RALGAPA1: variants seen among roughly 807,000 people sequenced by gnomAD.
The protein encoded by RALGAPA1 is ral GTPase-activating protein subunit alpha-1.
Under a neutral mutation model 269.6 loss-of-function variants are expected in RALGAPA1, and 52 were observed. That is an observed-to-expected ratio of 0.19 (90% CI 0.15 to 0.24). RALGAPA1 has a LOEUF of 0.24. RALGAPA1 is among the 10% of genes least tolerant of loss of function. RALGAPA1 has a pLI of 1.00. For synonymous variants in RALGAPA1, 817 were observed against 1,008.3 expected (o/e 0.81, Z 3.60); for missense variants, 1,917 against 3,013.9 (o/e 0.64, Z 8.52).
intron 15 of RALGAPA1, among the ~76,000 whole-genome samples, chr14:35,722,440 T>C (rs141678570): frequency 0.014 from 2,179 of 152,090 alleles, 41 homozygotes; most frequent in Admixed American, 0.036. Flanking sequence ...GGTGAAACCA[T>C]GTCTCTATAA....
At chr14:35,549,302 G>A in intron 39 of RALGAPA1, 68 bp from the exon 40 acceptor site, 1 of 1,502,490 alleles carries the variant, frequency 6.7e-7, no homozygotes, top group Non-Finnish European at 9.1e-7. Flanking sequence ...TATCAAAAAG[G>A]ACTGCTATGA....
At chr14:35,556,433 G>C (rs2055613663) in intron 39 of RALGAPA1, among the ~76,000 whole-genome samples, 1 of 152,198 alleles carries the variant, frequency 6.6e-6, no homozygotes, top group South Asian at 2.1e-4. Context: ...ATTTTTTCCA[G>C]AAACATGCAG....
intron 30 of RALGAPA1, among the ~76,000 whole-genome samples, chr14:35,653,729 C>T (rs1007356193): frequency 2.0e-5 from 3 of 151,816 alleles, no homozygotes; most frequent in Admixed American, 1.3e-4. Context: ...CCACACAAAC[C>T]AGGAGAAGGC....
chr14:35,572,504 A>C lies in RALGAPA1; in HGVS notation c.7368+56T>G, dbSNP rs944843711. 5.7e-5 allele frequency: 78 copies of C among 1,360,536 alleles called. No individual in the cohort carries two copies. In the Middle Eastern group the frequency reaches 1.9e-3, roughly 32 times the overall value. 84.3% of individuals were successfully genotyped at this position (1,360,536 alleles called of 1,614,324 possible). On this transcript the variant is annotated intron_variant, in intron 38 of 41. Coordinates refer to ENST00000680220, the MANE Select transcript of RALGAPA1 (RefSeq NM_001346249.2). ...TATTCTGTAACATGGAAAGAAACCC[A>C]TGAACCCCTATAGAACCAAAATCTA...
chr14:35,660,713 C>A (rs2063486591), intron 27 of RALGAPA1, among the ~76,000 whole-genome samples: 1 of 151,938 alleles, frequency 6.6e-6, no homozygotes, highest in South Asian at 2.1e-4. Context: ...CCTTGAAGGA[C>A]TAATGGATAA....
chr14:35,778,077 G>A (rs183064231), intron 1 of RALGAPA1, among the ~76,000 whole-genome samples: 2,599 of 151,866 alleles, frequency 0.017, 31 homozygotes, highest in South Asian at 0.046. Context: ...AATTTTGGGG[G>A]GGAGACAGGG....
intron 29 of RALGAPA1, among the ~76,000 whole-genome samples, chr14:35,654,733 T>C (rs1188328978): frequency 6.6e-6 from 1 of 152,242 alleles, no homozygotes; most frequent in East Asian, 1.9e-4. Context: ...TGTGGATTTA[T>C]GCAGTGGCCT....
chr14:35,726,007 T>A (rs972061860), intron 13 of RALGAPA1, among the ~76,000 whole-genome samples: 29 of 152,210 alleles, frequency 1.9e-4, no homozygotes, highest in African/African-American at 6.5e-4. Context: ...AAAACTTGAT[T>A]CAACCACATA....
Position 35,673,451 on chromosome 14 carries a change from T to A in RALGAPA1, c.4918-429A>T, listed in dbSNP as rs551901909. 4.6e-5 allele frequency among the ~76,000 whole-genome samples: 7 copies of A among 152,190 alleles called. 1 individual carries two copies. In the South Asian group the frequency reaches 1.0e-3, roughly 23 times the overall value. On this transcript the variant is annotated intron_variant, in intron 24 of 41. Transcript: ENST00000680220. Reference sequence around the variant, plus strand: ...CACGCCTGTAGTAGTCTCAGCTACTTGGAAGGCTGAAGTGGGAGGATTGCT... The same window carrying A: ...CACGCCTGTAGTAGTCTCAGCTACTAGGAAGGCTGAAGTGGGAGGATTGCT...
chr14:35,629,282 G>GGTGTGTGT (rs33989714), intron 33 of RALGAPA1, among the ~76,000 whole-genome samples: 3 of 145,292 alleles, frequency 2.1e-5, no homozygotes, highest in Admixed American at 6.7e-5. Context: ...ATGTTTAGGG[G>GGTGTGTGT]GTGTGTGTGT....
chr14:35,735,858 G>A (rs572667075), intron 12 of RALGAPA1, among the ~76,000 whole-genome samples: 2 of 152,128 alleles, frequency 1.3e-5, no homozygotes, highest in Non-Finnish European at 1.5e-5. Flanking sequence ...ACTCTGTTTT[G>A]CAGTTATGCT....
intron 4 of RALGAPA1, among the ~76,000 whole-genome samples, chr14:35,769,870 A>T (rs1184858167): frequency 6.6e-6 from 1 of 152,202 alleles, no homozygotes; most frequent in Non-Finnish European, 1.5e-5. Flanking sequence ...GAATTTTATC[A>T]ACTATTTAAA....
chr14:35,595,898 C>T, intron 36 of RALGAPA1, 109 bp from the exon 37 acceptor site: 1 of 767,766 alleles, frequency 1.3e-6, no homozygotes, highest in South Asian at 1.8e-5. Context: ...AAGTCTTTTG[C>T]ATGTTATCAA....
At chr14:35,697,943 CTG>C (rs759942635) in intron 17 of RALGAPA1, among the ~76,000 whole-genome samples, 85 of 152,264 alleles carry the variant, frequency 5.6e-4, no homozygotes, top group Non-Finnish European at 1.1e-3. Flanking sequence ...GCATAAAAAA[CTG>C]GCAGTAAAAG....
intron 12 of RALGAPA1, among the ~76,000 whole-genome samples, chr14:35,729,401 T>C (rs2070261719): frequency 1.3e-5 from 2 of 151,530 alleles, no homozygotes; most frequent in Admixed American, 6.6e-5. Flanking sequence ...TATAAAAAAG[T>C]ATAAAAAAAA....
At chr14:35,657,867 C>T (rs1253806934) in intron 28 of RALGAPA1, among the ~76,000 whole-genome samples, 2 of 151,958 alleles carry the variant, frequency 1.3e-5, no homozygotes, top group Non-Finnish European at 2.9e-5. Context: ...TTCTAGTTTT[C>T]TTTTCTATTA....
chr14:35,673,066 T>C (rs752823633), intron 24 of RALGAPA1, 44 bp from the exon 25 acceptor site: 1 of 1,371,126 alleles, frequency 7.3e-7, no homozygotes, highest in Non-Finnish European at 9.5e-7. Flanking sequence ...AGAAATACTA[T>C]TTGCTAAATA....
At chr14:35,766,650 G>T in intron 4 of RALGAPA1, 4 of 703,634 alleles carry the variant, frequency 5.7e-6, no homozygotes, top group South Asian at 1.4e-5. Flanking sequence ...CAATGATTTT[G>T]TAAGAGGAAG....
At chr14:35,646,340 C>A (rs2062435222) in intron 31 of RALGAPA1, among the ~76,000 whole-genome samples, 1 of 152,164 alleles carries the variant, frequency 6.6e-6, no homozygotes, top group African/African-American at 2.4e-5. Flanking sequence ...CTGGCAGACA[C>A]AACCTTAATC....
Sources: gnomAD v4.1 joint callset for allele counts (sites outside exome capture counted in the v4.1 genomes callset) on GRCh38, gnomAD v4.1.1 for gene constraint, MANE v1.5 for transcripts, NCBI Gene and HGNC (gene_info 2026-07-23, HGNC 2026-07-21) for gene names.